The following MACROD2 variants were observed in gnomAD, a reference collection of about 807,000 sequenced individuals.
The protein encoded by MACROD2 is mono-ADP ribosylhydrolase 2.
Under a neutral mutation model 70.4 loss-of-function variants are expected in MACROD2, and 36 were observed. That is an observed-to-expected ratio of 0.51 (90% CI 0.39 to 0.68). The LOEUF (loss-of-function observed/expected upper bound fraction) is 0.68. Ranked by LOEUF, MACROD2 falls within the 30% of genes least tolerant of loss-of-function variation. The probability of loss-of-function intolerance (pLI) is 0.00; values close to 1 mark genes in which losing one functional copy is unlikely to be tolerated. For synonymous variants in MACROD2, 172 were observed against 178.8 expected (o/e 0.96, Z 0.30); for missense variants, 496 against 538.4 (o/e 0.92, Z 0.78).
At chr20:15,220,233 A>G (rs760767777) in intron 5 of MACROD2, among the ~76,000 whole-genome samples, 8 of 152,080 alleles carry the variant, frequency 5.3e-5, no homozygotes, top group Non-Finnish European at 1.0e-4. Context: ...TATCCCTTCT[A>G]CCTCATTGTT....
intron 5 of MACROD2, among the ~76,000 whole-genome samples, chr20:15,069,028 A>G (rs1384262661): frequency 6.6e-6 from 1 of 152,154 alleles, no homozygotes. Flanking sequence ...TGACTCAGAT[A>G]AAAATGAGGA....
At chr20:15,908,305 G>A (rs1410531034) in intron 10 of MACROD2, among the ~76,000 whole-genome samples, 3 of 152,158 alleles carry the variant, frequency 2.0e-5, no homozygotes, top group South Asian at 2.1e-4. Context: ...CTTCACCCAA[G>A]GACACAGCAC....
At chr20:15,713,067 TTA>T (rs2050652343) in intron 8 of MACROD2, among the ~76,000 whole-genome samples, 1 of 152,126 alleles carries the variant, frequency 6.6e-6, no homozygotes, top group African/African-American at 2.4e-5. Context: ...CTTGGATAGA[TTA>T]TTAATACCCT....
At chr20:15,562,797 C>A (rs764186191) in intron 8 of MACROD2, among the ~76,000 whole-genome samples, 3 of 152,158 alleles carry the variant, frequency 2.0e-5, no homozygotes, top group Non-Finnish European at 4.4e-5. Flanking sequence ...GAAAATAAGA[C>A]CTTTGAATTG....
intron 3 of MACROD2, among the ~76,000 whole-genome samples, chr20:14,390,954 A>G (rs1325648197): frequency 1.3e-5 from 2 of 151,948 alleles, no homozygotes; most frequent in African/African-American, 4.8e-5. Flanking sequence ...AATGGCTATT[A>G]TTAAAAGGGC....
chr20:15,078,089 C>T (rs1019864635), intron 5 of MACROD2, among the ~76,000 whole-genome samples: 8 of 152,084 alleles, frequency 5.3e-5, no homozygotes, highest in Non-Finnish European at 7.4e-5. Flanking sequence ...TTCCAGCATT[C>T]TTCATAAAAA....
At chr20:15,412,232 G>C (rs1337993077) in intron 6 of MACROD2, among the ~76,000 whole-genome samples, 1 of 152,056 alleles carries the variant, frequency 6.6e-6, no homozygotes, top group East Asian at 1.9e-4. Context: ...CTGTTAATGA[G>C]ACACATGAGG....
intron 6 of MACROD2, among the ~76,000 whole-genome samples, chr20:15,425,261 A>G (rs1234327621): frequency 1.3e-5 from 2 of 152,210 alleles, no homozygotes; most frequent in African/African-American, 2.4e-5. Context: ...TCTCCTTTTT[A>G]TCCATGCTGT....
intron 4 of MACROD2, among the ~76,000 whole-genome samples, chr20:14,544,376 T>C (rs1012095507): frequency 6.6e-6 from 1 of 152,150 alleles, no homozygotes; most frequent in African/African-American, 2.4e-5. Context: ...TGTCTTCTAA[T>C]CTTATTAATT....
chr20:15,937,772 A>C (rs957277593), intron 12 of MACROD2, among the ~76,000 whole-genome samples: 1 of 151,598 alleles, frequency 6.6e-6, no homozygotes, highest in Non-Finnish European at 1.5e-5. Context: ...TATATATAAC[A>C]TTTACATTTG....
At chr20:14,026,937 G>T (rs1325630308) in intron 2 of MACROD2, among the ~76,000 whole-genome samples, 1 of 151,990 alleles carries the variant, frequency 6.6e-6, no homozygotes, top group African/African-American at 2.4e-5. Flanking sequence ...CCAGCACAGC[G>T]CTCACGCTCT....
intron 4 of MACROD2, among the ~76,000 whole-genome samples, chr20:14,551,151 A>G (rs1268154508): frequency 6.6e-6 from 1 of 152,074 alleles, no homozygotes; most frequent in Non-Finnish European, 1.5e-5. Context: ...TTTCTATGCA[A>G]TTTTATCATG....
chr20:14,703,382 G>T (rs147437869), intron 5 of MACROD2, among the ~76,000 whole-genome samples: 285 of 152,244 alleles, frequency 1.9e-3, no homozygotes, highest in African/African-American at 6.6e-3. Flanking sequence ...CTATAATTAT[G>T]AGATAATAAT....
intron 3 of MACROD2, among the ~76,000 whole-genome samples, chr20:14,353,075 T>G (rs1473749516): frequency 2.0e-5 from 3 of 152,164 alleles, no homozygotes; most frequent in African/African-American, 4.8e-5. Flanking sequence ...AAATTCAAAT[T>G]ATGAGTGGCT....
At chr20:14,995,998 G>C (rs2074946029) in intron 5 of MACROD2, among the ~76,000 whole-genome samples, 1 of 152,124 alleles carries the variant, frequency 6.6e-6, no homozygotes, top group Non-Finnish European at 1.5e-5. Context: ...ACATAATAGA[G>C]AAATTCAATA....
chr20:15,862,509 A>T (rs1326054243), intron 8 of MACROD2, among the ~76,000 whole-genome samples: 1 of 152,104 alleles, frequency 6.6e-6, no homozygotes, highest in Non-Finnish European at 1.5e-5. Flanking sequence ...TTTATATAGC[A>T]TCTTTCCACC....
At chr20:14,183,490 A>T (rs2081320888) in intron 3 of MACROD2, among the ~76,000 whole-genome samples, 1 of 152,138 alleles carries the variant, frequency 6.6e-6, no homozygotes, top group Non-Finnish European at 1.5e-5. Context: ...CAATAAACAG[A>T]CACGTGCATG....
chr20:15,427,256 A>G (rs910308371), intron 6 of MACROD2, among the ~76,000 whole-genome samples: 2 of 152,214 alleles, frequency 1.3e-5, no homozygotes, highest in African/African-American at 4.8e-5. Flanking sequence ...TCCAGATGAA[A>G]CTATTTGTCC....
chr20:14,230,654 T>TAAA (rs1555940650), intron 3 of MACROD2, among the ~76,000 whole-genome samples: 8 of 74,244 alleles, frequency 1.1e-4, no homozygotes, highest in East Asian at 5.8e-4. Flanking sequence ...TATATATATA[T>TAAA]AACACAGGCT....
Sources: allele counts gnomAD v4.1 joint callset (sites outside exome capture counted in the v4.1 genomes callset), GRCh38; gene constraint gnomAD v4.1.1; transcripts MANE v1.5; gene names NCBI Gene and HGNC (gene_info 2026-07-23, HGNC 2026-07-21).